Variants in KIFC3 observed in about 807,000 individuals in gnomAD.
The protein encoded by KIFC3 is kinesin-like protein KIFC3.
In KIFC3, 60 loss-of-function variants were observed where a neutral mutation model predicts 101.8. The ratio of observed to expected loss-of-function variants is 0.59; its 90% CI spans 0.48 to 0.73. KIFC3 has a LOEUF of 0.73. Among genes scored for constraint, KIFC3 ranks in the 30% least tolerant of loss-of-function variants. The pLI is 0.00. For synonymous variants in KIFC3, 476 were observed against 482.7 expected, an observed-to-expected ratio of 0.99 and a Z score of 0.18; for missense variants, 966 against 1,137.1, an observed-to-expected ratio of 0.85 and a Z score of 2.16.
At chr16:57,795,906 T>G (rs2054280768) in intron 2 of KIFC3, among the ~76,000 whole-genome samples, 2 of 148,206 alleles carry the variant, frequency 1.3e-5, no homozygotes, top group South Asian at 4.3e-4. Flanking sequence ...TTTTTTTTTT[T>G]TTTTTGAGAC....
intron 11 of KIFC3, 131 bp downstream of exon 11, chr16:57,765,328 C>T: frequency 2.2e-6 from 2 of 905,706 alleles, no homozygotes; most frequent in Admixed American, 2.8e-5. Context: ...GGAGCAGGAC[C>T]CTGGCTCCCC....
chr16:57,760,325 C>G lies in KIFC3; in HGVS notation c.2324G>C (p.Arg775Pro), dbSNP rs782738870. The G allele has an allele frequency of 1.2e-6, 2 of 1,613,928 alleles. No homozygotes were observed. The highest frequency in any genetic ancestry group is 2.2e-5 in the East Asian group (1 of 44,886). Residue 775 changes from arginine to proline, a missense_variant, in exon 17 of 20, where the codon CGC (arginine) becomes CCC (proline). By Grantham distance (103) the Arg-to-Pro change is moderately radical. This residue lies in a region of KIFC3 where 689 missense variants were observed against 884.6 expected (regional missense o/e 0.78). Transcript: ENST00000445690. ...VRSVELGPGL[R>P]RAELGSWSSQ... ...TGACCAGGACCCAAGCTCTGCCCTGCGTAGCCCAGGCCCCAGCTCCACAGA... is the reference window on the plus strand; with the variant it reads ...TGACCAGGACCCAAGCTCTGCCCTGGGTAGCCCAGGCCCCAGCTCCACAGA...
In KIFC3 at chr16:57,798,290, G is replaced by A; in HGVS notation, c.-39-8C>T. 5 of 1,545,878 alleles carry A rather than the reference G, an allele frequency of 3.2e-6. No homozygotes were observed. Among genetic ancestry groups the A allele is most frequent in the Non-Finnish European group, 3.5e-6 (4 of 1,146,700 alleles). On this transcript the variant is annotated splice_region_variant and splice_polypyrimidine_tract_variant and intron_variant, in intron 1 of 19. Coordinates refer to ENST00000445690, the MANE Select transcript of KIFC3 (RefSeq NM_001130100.2). ...CTCGGGGCACCAGGCAGCCTGCGGA[G>A]AGAACAAGGGGAGATAAGCTTGAAG...
In KIFC3 at chr16:57,769,920, A is replaced by T. The variant is rs782129947; in HGVS notation, c.975T>A (p.His325Gln). The T allele has an allele frequency of 6.2e-7, 1 of 1,613,564 alleles. No homozygotes were observed. The highest frequency in any genetic ancestry group is 8.5e-7 in the Non-Finnish European group (1 of 1,180,010). The change falls in exon 8 of 20, where the codon CAT becomes CAA. Residue 325 changes from histidine to glutamine, a missense_variant. Transcript: ENST00000445690. This position sits in a 1 kb window ranked among gnomAD's most constrained non-coding sequence, Gnocchi z 4.3. ...ACTGCATCTCCTCCAGCATCTGCCCATGGGCCCGCTCCAGCTCTGACTCGT... is the reference window on the plus strand; with the variant it reads ...ACTGCATCTCCTCCAGCATCTGCCCTTGGGCCCGCTCCAGCTCTGACTCGT... Reference protein sequence around the residue: ...AMYESELERAHGQMLEEMQSL... With the variant: ...AMYESELERAQGQMLEEMQSL...
intron 1 of KIFC3, among the ~76,000 whole-genome samples, chr16:57,818,306 G>C (rs2055276675): frequency 2.0e-5 from 3 of 152,138 alleles, no homozygotes; most frequent in African/African-American, 7.2e-5. Context: ...CAGTTGGTAA[G>C]GAAACAGTGG....
intron 1 of KIFC3, among the ~76,000 whole-genome samples, chr16:57,814,892 G>T (rs527349050): frequency 6.6e-6 from 1 of 151,830 alleles, no homozygotes; most frequent in South Asian, 2.1e-4. Flanking sequence ...AAAGTGCTAG[G>T]ATTACAGGTG....
intron 9 of KIFC3, among the ~76,000 whole-genome samples, chr16:57,767,539 C>T (rs1164135530): frequency 6.6e-6 from 1 of 152,204 alleles, no homozygotes; most frequent in Non-Finnish European, 1.5e-5. Flanking sequence ...ATACAGTCTT[C>T]CCTTAGTAAC....
intron 2 of KIFC3, among the ~76,000 whole-genome samples, chr16:57,796,666 A>T (rs1598146252): frequency 1.3e-5 from 2 of 152,336 alleles, no homozygotes; most frequent in East Asian, 3.9e-4. Flanking sequence ...CTGTATGGTC[A>T]TATAATCTTC....
At chr16:57,788,850 G>T (rs2149142658) in intron 3 of KIFC3, 1 of 767,584 alleles carries the variant, frequency 1.3e-6, no homozygotes, top group Non-Finnish European at 1.8e-6. Context: ...TTGTGGGTGG[G>T]TGGGGACGTT....
chr16:57,795,805 G>A (rs1303835522), intron 2 of KIFC3, among the ~76,000 whole-genome samples: 1 of 151,534 alleles, frequency 6.6e-6, no homozygotes, highest in African/African-American at 2.4e-5. Context: ...ACCCTGGGGC[G>A]TAACAATATC....
rs200329609 is a variant in KIFC3 at position 57,758,870 on chromosome 16, C to T, written c.*64G>A. ...AGTGAGGGCCCAGCTTCAGGCCCAG[C>T]GGGGTCACATCCGTCACACAGGCAG... is the stretch of plus-strand genomic sequence containing the variant. On this transcript the variant is annotated 3_prime_UTR_variant, in exon 20 of 20. Transcript: ENST00000445690. The T allele has an allele frequency of 2.6e-5, 41 of 1,603,964 alleles. No homozygotes were observed. In the East Asian group the frequency reaches 3.8e-4, roughly 15 times the overall value.
intron 14 of KIFC3, 87 bp from the exon 15 acceptor site, chr16:57,761,258 A>T: frequency 6.3e-7 from 1 of 1,584,278 alleles, no homozygotes; most frequent in Non-Finnish European, 8.6e-7. Flanking sequence ...GAGGAGTGGC[A>T]CCACCCTCCG....
At chr16:57,806,009 G>C (rs1342831212), upstream of KIFC3, among the ~76,000 whole-genome samples, 1 of 152,114 alleles carries the variant, frequency 6.6e-6, no homozygotes, top group African/African-American at 2.4e-5. Flanking sequence ...AAAGTGCTGG[G>C]ATTACAAGCA....
intron 1 of KIFC3, among the ~76,000 whole-genome samples, chr16:57,857,132 C>A (rs1222550100): frequency 2.0e-5 from 3 of 152,172 alleles, no homozygotes; most frequent in Non-Finnish European, 4.4e-5. Flanking sequence ...CAAGGCAGAG[C>A]AGCACAGGCC....
upstream of KIFC3, among the ~76,000 whole-genome samples, chr16:57,805,051 G>A (rs991957918): frequency 1.3e-5 from 2 of 151,944 alleles, no homozygotes; most frequent in African/African-American, 4.8e-5. Context: ...GGCTGGTTTC[G>A]AACTCCTGAC....
chr16:57,844,323 G>A (rs926332871), intron 1 of KIFC3, among the ~76,000 whole-genome samples: 3 of 151,736 alleles, frequency 2.0e-5, no homozygotes, highest in African/African-American at 7.3e-5. Flanking sequence ...CCAGCTACTC[G>A]GGAGGGTGAG....
Position 57,759,205 on chromosome 16 carries a change from C to T in KIFC3, c.2477-52G>A, listed in dbSNP as rs2049506779. ...CTGGTGGGCTTGCCTTGGGCCAGTACCCCACAAGACCCTGCTGCTGCTACC... is the reference window on the plus strand; with the variant it reads ...CTGGTGGGCTTGCCTTGGGCCAGTATCCCACAAGACCCTGCTGCTGCTACC... On this transcript the variant is annotated intron_variant, in intron 18 of 19. Coordinates refer to ENST00000445690, the MANE Select transcript of KIFC3 (RefSeq NM_001130100.2). 2.6e-6 allele frequency: 4 copies of T among 1,543,342 alleles called. No homozygotes were observed. The East Asian group carries it at 9.8e-5, about 38-fold the overall frequency.
chr16:57,771,763 G>A, intron 4 of KIFC3, 77 bp from the exon 5 acceptor site: 2 of 1,503,216 alleles, frequency 1.3e-6, no homozygotes, highest in Non-Finnish European at 1.8e-6. Flanking sequence ...CCGCGGAGAT[G>A]GCACAAGGGC....
intron 1 of KIFC3, among the ~76,000 whole-genome samples, chr16:57,856,117 C>T (rs1270197142): frequency 6.7e-6 from 1 of 149,970 alleles, no homozygotes; most frequent in Non-Finnish European, 1.5e-5. Flanking sequence ...TGAGCCCAGG[C>T]ATTTGAGACC....
Sources: allele counts gnomAD v4.1 joint callset (sites outside exome capture counted in the v4.1 genomes callset), GRCh38; gene constraint gnomAD v4.1.1; regional missense constraint gnomAD v4.1.1; non-coding constraint Gnocchi (gnomAD v3.1); transcripts MANE v1.5; gene names NCBI Gene and HGNC (gene_info 2026-07-23, HGNC 2026-07-21).